The following KCNIP1 variants were observed in gnomAD, a reference collection of about 807,000 sequenced individuals.
KCNIP1 encodes the protein potassium voltage-gated channel interacting protein 1, also known as A-type potassium channel modulatory protein KCNIP1.
KCNIP1 carries 18 observed loss-of-function variants against 33.0 expected under a neutral mutation model. That is an observed-to-expected ratio of 0.55 (90% CI 0.38 to 0.81). The LOEUF (loss-of-function observed/expected upper bound fraction) is 0.81, where lower values mean the gene tolerates loss of function less well. Among genes scored for constraint, KCNIP1 ranks in the 30% least tolerant of loss-of-function variants. The pLI is 0.00. For synonymous variants in KCNIP1, 93 were observed against 98.3 expected, an observed-to-expected ratio of 0.95 and a Z score of 0.32; for missense variants, 238 against 271.6, an observed-to-expected ratio of 0.88 and a Z score of 0.87.
chr5:170,496,884 C>G (rs1454272412), intron 1 of KCNIP1, among the ~76,000 whole-genome samples: 1 of 152,140 alleles, frequency 6.6e-6, no homozygotes, highest in Non-Finnish European at 1.5e-5. Flanking sequence ...CCATCCCTTT[C>G]TACCCAGCTC....
intron 1 of KCNIP1, among the ~76,000 whole-genome samples, chr5:170,514,208 C>T (rs1755040842): frequency 6.6e-6 from 1 of 152,200 alleles, no homozygotes; most frequent in African/African-American, 2.4e-5. Flanking sequence ...CCATGCCAAC[C>T]CTGGACCCAG....
intron 1 of KCNIP1, among the ~76,000 whole-genome samples, chr5:170,428,121 ATC>A (rs1677608465): frequency 6.6e-6 from 1 of 152,170 alleles, no homozygotes; most frequent in Admixed American, 6.5e-5. Context: ...CAGGGACAAC[ATC>A]TGTGTTCCTC....
chr5:170,478,835 C>T (rs771479881), intron 1 of KCNIP1, among the ~76,000 whole-genome samples: 22 of 151,922 alleles, frequency 1.4e-4, no homozygotes, highest in Non-Finnish European at 1.9e-4. Flanking sequence ...CAGCTGAACA[C>T]TTCCTATAAA....
At chr5:170,509,998 A>G (rs1395077941) in intron 1 of KCNIP1, among the ~76,000 whole-genome samples, 1 of 152,056 alleles carries the variant, frequency 6.6e-6, no homozygotes, top group East Asian at 1.9e-4. Flanking sequence ...TTATTTGTTC[A>G]CTTAGCCAGT....
In KCNIP1 at chr5:170,546,160, C is replaced by G. The variant is rs1053030336; in HGVS notation, c.61+41527C>G. On this transcript the variant is annotated intron_variant, in intron 1 of 7. Transcript: ENST00000328939. ...GGAGCCTAGCTAGTCTCTGTCTCCT[C>G]AGCCCTAAAAGCCTGAAGAGATTCA... Among the ~76,000 whole-genome samples the G allele has an allele frequency of 8.5e-5, 13 of 152,340 alleles. No individual in the cohort carries two copies. The East Asian group carries it at 2.5e-3, about 29-fold the overall frequency.
intron 1 of KCNIP1, among the ~76,000 whole-genome samples, chr5:170,622,106 G>T (rs1759625933): frequency 1.3e-5 from 2 of 152,160 alleles, no homozygotes; most frequent in Non-Finnish European, 2.9e-5. Flanking sequence ...AAGGATGAAG[G>T]TGCTTTGCAC....
intron 1 of KCNIP1, among the ~76,000 whole-genome samples, chr5:170,647,575 A>G (rs536978919): frequency 6.8e-6 from 1 of 146,858 alleles, no homozygotes; most frequent in East Asian, 2.0e-4. Context: ...ATCCACATTA[A>G]AAAAAAAAAA....
chr5:170,595,540 T>A (rs575748627), intron 1 of KCNIP1, among the ~76,000 whole-genome samples: 23 of 152,254 alleles, frequency 1.5e-4, no homozygotes, highest in African/African-American at 4.8e-4. Context: ...TCCCTGCCCA[T>A]CTCCAGGACC....
At chr5:170,518,748 C>T (rs1380412203) in intron 1 of KCNIP1, among the ~76,000 whole-genome samples, 8 of 152,182 alleles carry the variant, frequency 5.3e-5, no homozygotes. Context: ...CCCTTGTACC[C>T]ACCACTTTGC....
At chr5:170,658,029 G>A (rs535769299) in intron 1 of KCNIP1, among the ~76,000 whole-genome samples, 2 of 152,214 alleles carry the variant, frequency 1.3e-5, no homozygotes, top group African/African-American at 2.4e-5. Context: ...AGAGGGAGGA[G>A]GTATTACCTG....
intron 1 of KCNIP1, among the ~76,000 whole-genome samples, chr5:170,447,588 C>T (rs879859028): frequency 6.6e-6 from 1 of 152,118 alleles, no homozygotes; most frequent in Non-Finnish European, 1.5e-5. Flanking sequence ...AGAATTCAGC[C>T]TCAGGGATGT....
chr5:170,734,044 A>G (rs1407895180), intron 7 of KCNIP1, 146 bp downstream of exon 7: 3 of 633,312 alleles, frequency 4.7e-6, no homozygotes, highest in Non-Finnish European at 5.5e-6. Context: ...ACAACTGTGA[A>G]GTCCACAGTT....
At chr5:170,371,301 C>T (rs769417026) in intron 1 of KCNIP1, among the ~76,000 whole-genome samples, 6 of 152,158 alleles carry the variant, frequency 3.9e-5, no homozygotes, top group Non-Finnish European at 7.3e-5. Flanking sequence ...ATTTTCAGAT[C>T]CTTCTGCTTG....
intron 1 of KCNIP1, among the ~76,000 whole-genome samples, chr5:170,387,582 G>A (rs1764529972): frequency 6.6e-6 from 1 of 152,186 alleles, no homozygotes; most frequent in African/African-American, 2.4e-5. Context: ...ACCAGGAGGT[G>A]AGTTTCTCCT....
rs556907860 is a variant in KCNIP1, at chr5:170,722,046, C to T, written c.327+143C>T. The T allele has an allele frequency of 1.1e-5, 11 of 1,046,918 alleles. No individual in the cohort carries two copies. In the South Asian group the frequency reaches 1.2e-4, roughly 11 times the overall value. 64.9% of individuals were successfully genotyped at this position (1,046,918 alleles called of 1,614,324 possible). A position where few individuals can be genotyped will look rare whatever the true frequency, so the allele number is the denominator to read the frequency against. On this transcript the variant is annotated intron_variant, in intron 4 of 7. Transcript: ENST00000328939. ...CATGTTTATCCATTTGTAAGCATTT[C>T]CTAAAGATGGGGAAAAGCAGCAGCA...
intron 1 of KCNIP1, among the ~76,000 whole-genome samples, chr5:170,361,720 T>A (rs140682195): frequency 6.6e-6 from 1 of 152,328 alleles, no homozygotes; most frequent in East Asian, 1.9e-4. Context: ...TCGTGGGGAC[T>A]CTTCCTGGCT....
chr5:170,364,795 A>G (rs1763612809), intron 1 of KCNIP1, among the ~76,000 whole-genome samples: 1 of 152,210 alleles, frequency 6.6e-6, no homozygotes, highest in African/African-American at 2.4e-5. Context: ...TCTATGTTTA[A>G]GGTATACAGT....
At chr5:170,623,018 G>A (rs999074593) in intron 1 of KCNIP1, among the ~76,000 whole-genome samples, 12 of 152,230 alleles carry the variant, frequency 7.9e-5, no homozygotes, top group African/African-American at 2.7e-4. Context: ...CTCATAAGGA[G>A]TGAGCAACCT....
At chr5:170,647,648 A>G (rs1760837311) in intron 1 of KCNIP1, among the ~76,000 whole-genome samples, 1 of 152,144 alleles carries the variant, frequency 6.6e-6, no homozygotes. Context: ...ATAGATCTAA[A>G]TATAAGACAC....
Sources: gnomAD v4.1 joint callset for allele counts (sites outside exome capture counted in the v4.1 genomes callset) on GRCh38, gnomAD v4.1.1 for gene constraint, MANE v1.5 for transcripts, NCBI Gene and HGNC (gene_info 2026-07-23, HGNC 2026-07-21) for gene names.